Variants in ADGRV1 observed in about 807,000 individuals in gnomAD.
ADGRV1 encodes G-protein coupled receptor 98.
Under a neutral mutation model 596.2 loss-of-function variants are expected in ADGRV1, and 359 were observed. The ratio of observed to expected loss-of-function variants is 0.60; its 90% CI spans 0.55 to 0.66. ADGRV1 has a LOEUF of 0.66. Among genes scored for constraint, ADGRV1 ranks in the 30% least tolerant of loss-of-function variants. The pLI, the probability that ADGRV1 is intolerant of heterozygous loss-of-function variation, is 0.00. For missense variants in ADGRV1, 7,274 were observed against 7,575.6 expected, an observed-to-expected ratio of 0.96 and a Z score of 1.48; for synonymous variants, 2,681 against 2,679.2, an observed-to-expected ratio of 1.00 and a Z score of -0.02.
intron 21 of ADGRV1, among the ~76,000 whole-genome samples, chr5:90,669,784 TCAC>T (rs1042262088): frequency 1.2e-4 from 18 of 152,356 alleles, no homozygotes; most frequent in Admixed American, 9.8e-4. Context: ...TTTTCTGTGT[TCAC>T]CAAGTTTCTT....
intron 86 of ADGRV1, among the ~76,000 whole-genome samples, chr5:91,076,889 C>A (rs1788903962): frequency 6.6e-6 from 1 of 151,100 alleles, no homozygotes; most frequent in Non-Finnish European, 1.5e-5. Flanking sequence ...ACTTTAAGTT[C>A]TAGGGTACAT....
intron 74 of ADGRV1, among the ~76,000 whole-genome samples, chr5:90,811,928 ATT>A (rs57092908): frequency 0.019 from 2,473 of 132,484 alleles, 135 homozygotes; most frequent in Admixed American, 0.12. Flanking sequence ...ATCATACTGT[ATT>A]TTTTTTTTTT....
rs200730114 is a variant in ADGRV1 at position 90,619,090 on chromosome 5, C to T, written c.362C>T (p.Pro121Leu). The change falls in exon 4 of 90, where the codon CCT (proline) becomes CTT (leucine). Residue 121 changes from proline to leucine, a missense_variant. Around this residue, in one of 5 missense-constraint regions of ADGRV1, gnomAD observed 1,715 missense variants for 1,708.8 expected, o/e 1.00. Transcript: ENST00000405460. ...ATTTTTGGGATTTTATTTTAGAAAC[C>T]TTCAGCAAATGTGAAGCTTGGATGG... ...TFIFHLTLQK[P>L]SANVKLGWPR... 96 of 1,422,586 alleles carry T rather than the reference C, an allele frequency of 6.7e-5. No homozygotes were observed. Among genetic ancestry groups the T allele is most frequent in the Non-Finnish European group, 8.5e-5 (90 of 1,064,918 alleles). 88.1% of individuals were successfully genotyped at this position (1,422,586 alleles called of 1,614,324 possible).
At chr5:90,808,336 C>G (rs1161943962) in intron 73 of ADGRV1, among the ~76,000 whole-genome samples, 1 of 152,160 alleles carries the variant, frequency 6.6e-6, no homozygotes, top group Non-Finnish European at 1.5e-5. Flanking sequence ...CCTGGCTCTG[C>G]CACTTACTCG....
intron 87 of ADGRV1, among the ~76,000 whole-genome samples, chr5:91,132,129 C>T (rs1347038438): frequency 6.6e-6 from 1 of 151,652 alleles, no homozygotes; most frequent in African/African-American, 2.4e-5. Context: ...TTTTGGGGGT[C>T]TCTGTTCTGT....
intron 59 of ADGRV1, among the ~76,000 whole-genome samples, chr5:90,768,381 C>T (rs1757358546): frequency 6.6e-6 from 1 of 152,126 alleles, no homozygotes; most frequent in Non-Finnish European, 1.5e-5. Flanking sequence ...TTGAGGATGT[C>T]TTTCATCATC....
intron 83 of ADGRV1, among the ~76,000 whole-genome samples, chr5:90,937,859 G>T (rs944593782): frequency 7.9e-5 from 12 of 151,850 alleles, no homozygotes; most frequent in Admixed American, 2.0e-4. Flanking sequence ...TGTTTTTATT[G>T]ACGGTTTTGT....
At chr5:90,914,020 A>G (rs770782790) in intron 83 of ADGRV1, among the ~76,000 whole-genome samples, 15 of 152,202 alleles carry the variant, frequency 9.9e-5, no homozygotes, top group Non-Finnish European at 1.5e-4. Flanking sequence ...TTGGTTTAAC[A>G]TATGAAGTAG....
chr5:90,680,096 T>C (rs1744739195), intron 26 of ADGRV1, among the ~76,000 whole-genome samples: 1 of 152,122 alleles, frequency 6.6e-6, no homozygotes, highest in African/African-American at 2.4e-5. Flanking sequence ...TGGGGAGTAA[T>C]CCCAGCACTC....
intron 88 of ADGRV1, among the ~76,000 whole-genome samples, chr5:91,151,762 C>T (rs1284995078): frequency 6.6e-6 from 1 of 152,206 alleles, no homozygotes; most frequent in African/African-American, 2.4e-5. Flanking sequence ...ATTTTAAGTG[C>T]TCAACAGCCA....
Position 90,728,902 on chromosome 5 carries a change from T to C in ADGRV1, c.10395T>C (p.Ile3465=), listed in dbSNP as rs1490098494. The change falls in exon 49 of 90, where the codon ATT becomes ATC. Residue 3465 remains isoleucine (I), a synonymous_variant. Coordinates refer to ENST00000405460, the MANE Select transcript of ADGRV1 (RefSeq NM_032119.4). ...AGGCTTTGTCTTCAGCCAATGATAT[T>C]TACCTAATATTTGCCGAAAATGTCT... ...EVEALSSAND[I]YLIFAENVFL... is the part of the protein sequence containing the mutation. The C allele has an allele frequency of 1.2e-6, 2 of 1,612,446 alleles. No individual in the cohort carries two copies. Among genetic ancestry groups the C allele is most frequent in the Admixed American group, 3.3e-5 (2 of 59,982 alleles).
chr5:91,076,112 A>G (rs946472545), intron 86 of ADGRV1, among the ~76,000 whole-genome samples: 2 of 152,152 alleles, frequency 1.3e-5, no homozygotes, highest in African/African-American at 4.8e-5. Flanking sequence ...AAGCTTTCCA[A>G]AATAACTTCA....
chr5:90,955,095 G>C (rs561126594), intron 83 of ADGRV1, among the ~76,000 whole-genome samples: 1 of 152,162 alleles, frequency 6.6e-6, no homozygotes, highest in African/African-American at 2.4e-5. Flanking sequence ...ATAATGAGAC[G>C]ATGACCGTCT....
intron 1 of ADGRV1, among the ~76,000 whole-genome samples, chr5:90,567,780 C>G (rs1456167114): frequency 5.3e-5 from 8 of 150,912 alleles, no homozygotes; most frequent in Non-Finnish European, 1.2e-4. Context: ...GTTACCCCGG[C>G]GGGAGTGGGA....
intron 85 of ADGRV1, among the ~76,000 whole-genome samples, chr5:91,016,515 C>T (rs1783187706): frequency 6.6e-6 from 1 of 151,988 alleles, no homozygotes; most frequent in Non-Finnish European, 1.5e-5. Context: ...AGGGGAAATG[C>T]TGGCCAATAT....
intron 86 of ADGRV1, chr5:91,092,519 C>T (rs1027762100): frequency 3.9e-5 from 6 of 152,196 alleles, no homozygotes; most frequent in African/African-American, 1.4e-4. Context: ...CACCTGATTA[C>T]ATCAGGATAA....
At chr5:90,811,792 A>G (rs1342236910) in intron 74 of ADGRV1, among the ~76,000 whole-genome samples, 1 of 151,740 alleles carries the variant, frequency 6.6e-6, no homozygotes, top group Non-Finnish European at 1.5e-5. Context: ...TTTTGACCCA[A>G]TGTAGTTGAT....
intron 85 of ADGRV1, among the ~76,000 whole-genome samples, chr5:91,022,179 A>G (rs746517421): frequency 6.6e-6 from 1 of 152,132 alleles, no homozygotes; most frequent in Non-Finnish European, 1.5e-5. Context: ...CATAATCATT[A>G]TCTTTTTTCT....
intron 83 of ADGRV1, among the ~76,000 whole-genome samples, chr5:90,940,741 G>C (rs887675775): frequency 6.6e-6 from 1 of 152,072 alleles, no homozygotes; most frequent in Non-Finnish European, 1.5e-5. Context: ...AGTTTGAACC[G>C]GCACTAGTTA....
Sources: allele counts gnomAD v4.1 joint callset (sites outside exome capture counted in the v4.1 genomes callset), GRCh38; gene constraint gnomAD v4.1.1; regional missense constraint gnomAD v4.1.1; transcripts MANE v1.5; gene names NCBI Gene and HGNC (gene_info 2026-07-23, HGNC 2026-07-21).